The following MYH9 variants were observed in gnomAD, a reference collection of about 807,000 sequenced individuals.
The protein encoded by MYH9 is myosin-9.
In MYH9, 29 loss-of-function variants were observed where a neutral mutation model predicts 241.9. The observed-to-expected ratio is 0.12, with a 90% confidence interval of 0.09 to 0.16. The LOEUF (loss-of-function observed/expected upper bound fraction) is 0.16, where lower values mean the gene tolerates loss of function less well. MYH9 is among the 10% of genes least tolerant of loss of function. MYH9 has a pLI of 1.00. For synonymous variants in MYH9, 1,047 were observed against 1,062.6 expected (o/e 0.99, Z 0.29); for missense variants, 1,803 against 2,595.5 (o/e 0.69, Z 6.63).
At chr22:36,289,064 G>C in intron 32 of MYH9, 21 bp downstream of exon 32, 2 of 1,613,936 alleles carry the variant, frequency 1.2e-6, no homozygotes, top group Non-Finnish European at 1.7e-6. Context: ...CCAAGACCTG[G>C]CTGCCAGGCC....
chr22:36,322,652 T>G, intron 5 of MYH9, 131 bp from the exon 6 acceptor site: 1 of 861,100 alleles, frequency 1.2e-6, no homozygotes, highest in Non-Finnish European at 1.9e-6. Flanking sequence ...GGTTTCCGGG[T>G]GGGCTCCAGT....
intron 1 of MYH9, among the ~76,000 whole-genome samples, chr22:36,374,679 G>A (rs1040443511): frequency 3.5e-4 from 54 of 152,350 alleles, no homozygotes; most frequent in African/African-American, 1.3e-3. Context: ...CCCCCAAGGT[G>A]AGTGACCTGG....
rs1011800556 is a variant in MYH9, at chr22:36,305,643, T to C, written c.2159+287A>G. 6.6e-6 allele frequency among the ~76,000 whole-genome samples: 1 copy of C among 152,360 alleles called. No homozygotes were observed. Among genetic ancestry groups the C allele is most frequent in the East Asian group, 1.9e-4 (1 of 5,192 alleles). ...GCTGATTCTTTTACATTTCTTTTCA[T>C]AGCTCCTCTAACTGTAGCAAATAGC... On this transcript the variant is annotated intron_variant, in intron 17 of 40. Transcript: ENST00000216181. The surrounding 1 kb of genome is among the most constrained non-coding windows in gnomAD (Gnocchi z 4.7).
chr22:36,354,956 A>AACACACACACACACACACAC (rs136203), intron 1 of MYH9, among the ~76,000 whole-genome samples: 1,897 of 123,640 alleles, frequency 0.015, 59 homozygotes, highest in Middle Eastern at 0.035. Context: ...CAAAAAACAA[A>AACACACACACACACACACAC]ACACACACAC....
chr22:36,292,946 G>GTGTAAAATAGTGAAAATAGTGGTGT (rs2016730089), intron 30 of MYH9, among the ~76,000 whole-genome samples: 1 of 152,226 alleles, frequency 6.6e-6, no homozygotes, highest in Admixed American at 6.5e-5. Flanking sequence ...AACAGCGCAG[G>GTGTAAAATAGTGAAAATAGTGGTGT]CCTGGGACCC....
At chr22:36,378,480 A>G (rs561552376) in intron 1 of MYH9, among the ~76,000 whole-genome samples, 37 of 152,340 alleles carry the variant, frequency 2.4e-4, no homozygotes, top group African/African-American at 8.7e-4. Context: ...TGTTGAAAAT[A>G]TAACAAATTA....
chr22:36,340,686 G>A (rs1410229819), intron 3 of MYH9, among the ~76,000 whole-genome samples: 1 of 151,706 alleles, frequency 6.6e-6, no homozygotes, highest in Middle Eastern at 3.2e-3. Flanking sequence ...AAGAAAGAAA[G>A]GAAGTGGTAG....
intron 23 of MYH9, among the ~76,000 whole-genome samples, 194 bp from the exon 24 acceptor site, chr22:36,299,236 G>A (rs1347932824): frequency 1.3e-5 from 2 of 152,032 alleles, no homozygotes; most frequent in Non-Finnish European, 2.9e-5. Context: ...AGCGAGGTAC[G>A]CTTCCTTAGA....
In MYH9 at chr22:36,288,189, C is replaced by T. The variant is rs1193065600; in HGVS notation, c.4932+63G>A. The T allele has an allele frequency of 1.2e-6, 2 of 1,602,972 alleles. No homozygotes were observed. Among genetic ancestry groups the T allele is most frequent in the African/African-American group, 1.3e-5 (1 of 74,786 alleles). ...CCCGCCCTGGGCCGAGCCCTGGCAC[C>T]TTCATATGTAGTTGGCTCAGTCGGG... is the stretch of plus-strand genomic sequence containing the variant. On this transcript the variant is annotated intron_variant, in intron 34 of 40. Coordinates refer to ENST00000216181, the MANE Select transcript of MYH9 (RefSeq NM_002473.6). The surrounding 1 kb of genome is among the most constrained non-coding windows in gnomAD (Gnocchi z 4.8).
At chr22:36,367,218 C>T (rs1055549918) in intron 1 of MYH9, among the ~76,000 whole-genome samples, 4 of 152,154 alleles carry the variant, frequency 2.6e-5, no homozygotes, top group Non-Finnish European at 5.9e-5. Context: ...AGCAGGATCT[C>T]GCTGAGGAAG....
chr22:36,359,975 C>T (rs1389302531), intron 1 of MYH9, among the ~76,000 whole-genome samples: 1 of 151,942 alleles, frequency 6.6e-6, no homozygotes, highest in Non-Finnish European at 1.5e-5. Flanking sequence ...GCTCACAATT[C>T]CTGTGACCTT....
At chr22:36,379,706 A>G (rs4277619) in intron 1 of MYH9, among the ~76,000 whole-genome samples, 22,580 of 152,082 alleles carry the variant, frequency 0.15, 2,125 homozygotes, top group African/African-American at 0.26. Context: ...CCCAACCTGC[A>G]CGGCAGGAAG....
intron 30 of MYH9, among the ~76,000 whole-genome samples, chr22:36,292,567 C>T (rs1178471277): frequency 6.6e-6 from 1 of 152,188 alleles, no homozygotes; most frequent in African/African-American, 2.4e-5. Flanking sequence ...AGGGTGTCCA[C>T]GGGGTCCCCA....
At position 36,285,182 on chromosome 22, in the gene MYH9, A is replaced by G. The variant is rs1181032318; in HGVS notation, c.5422T>C (p.Ser1808Pro). 6.2e-7 allele frequency: 1 copy of G among 1,613,966 alleles called. No homozygotes were observed. Among genetic ancestry groups the G allele is most frequent in the African/African-American group, 1.3e-5 (1 of 74,882 alleles). Residue 1808 changes from serine to proline, a missense_variant, in exon 38 of 41, where the codon TCC (serine) becomes CCC (proline). Transcript: ENST00000216181. The surrounding 1 kb of genome is among the most constrained non-coding windows in gnomAD (Gnocchi z 7.0). ...ATCTTGGCCTCGAGGGCGGTGATGGAGGCCTTGTACTTGGACTTGACAGTG... is the reference window on the plus strand; with the variant it reads ...ATCTTGGCCTCGAGGGCGGTGATGGGGGCCTTGTACTTGGACTTGACAGTG... ...EGTVKSKYKA[S>P]ITALEAKIAQ...
rs376243642 is a variant in MYH9, at chr22:36,355,508, G to A, written c.-19-6253C>T. On this transcript the variant is annotated intron_variant, in intron 1 of 40. Coordinates refer to ENST00000216181, the MANE Select transcript of MYH9 (RefSeq NM_002473.6). ...CTACTCTCAGATCTTTGGTTGAAAC[G>A]TTGAGAGCATTTCCACTCCCAGACA... 5.9e-5 allele frequency among the ~76,000 whole-genome samples: 9 copies of A among 152,170 alleles called. 1 individual carries two copies. Among genetic ancestry groups the A allele is most frequent in the African/African-American group, 2.2e-4 (9 of 41,516 alleles).
chr22:36,286,921 C>T (rs763952896), intron 34 of MYH9, 75 bp from the exon 35 acceptor site: 8 of 1,593,466 alleles, frequency 5.0e-6, no homozygotes, highest in Non-Finnish European at 6.0e-6. Flanking sequence ...GGTCACCTCG[C>T]CAACAGGGCT....
At chr22:36,287,738 T>C (rs189339164) in intron 34 of MYH9, among the ~76,000 whole-genome samples, 187 of 152,332 alleles carry the variant, frequency 1.2e-3, no homozygotes, top group African/African-American at 4.3e-3. Context: ...CGAGACTCCG[T>C]CTCAAACAAA....
intron 14 of MYH9, among the ~76,000 whole-genome samples, chr22:36,310,157 C>T (rs2017037685): frequency 6.7e-6 from 1 of 149,966 alleles, no homozygotes; most frequent in Non-Finnish European, 1.5e-5. Context: ...GTAATCTCAG[C>T]CCCTAGGGGG....
At chr22:36,314,400 G>A (rs898842817) in intron 12 of MYH9, 82 bp from the exon 13 acceptor site, 4 of 1,556,774 alleles carry the variant, frequency 2.6e-6, no homozygotes, top group East Asian at 4.5e-5. Context: ...GGAGGGTGGG[G>A]CAGGGATACA....
Sources: gnomAD v4.1 joint callset for allele counts (sites outside exome capture counted in the v4.1 genomes callset) on GRCh38, gnomAD v4.1.1 for gene constraint, Gnocchi (gnomAD v3.1) non-coding constraint, MANE v1.5 for transcripts, NCBI Gene and HGNC (gene_info 2026-07-23, HGNC 2026-07-21) for gene names.